SMCR8: variants seen among roughly 807,000 people sequenced by gnomAD.
SMCR8 encodes the protein SMCR8-C9orf72 complex subunit.
SMCR8 carries 30 observed loss-of-function variants against 56.6 expected under a neutral mutation model. That is an observed-to-expected ratio of 0.53 (90% CI 0.40 to 0.72). The LOEUF (loss-of-function observed/expected upper bound fraction) is 0.72, where lower values mean the gene tolerates loss of function less well. SMCR8 is among the 30% of genes least tolerant of loss of function. SMCR8 has a pLI of 0.00. For synonymous variants in SMCR8, 538 were observed against 456.0 expected, an observed-to-expected ratio of 1.18 and a Z score of -2.29; for missense variants, 1,198 against 1,157.0, an observed-to-expected ratio of 1.04 and a Z score of -0.51.
At chr17:18,319,474 C>T (rs1331213983) in intron 1 of SMCR8, among the ~76,000 whole-genome samples, 1 of 152,090 alleles carries the variant, frequency 6.6e-6, no homozygotes, top group African/African-American at 2.4e-5. Flanking sequence ...GGAGGTGTTG[C>T]GCTGCAGAGG....
rs368519164 is a variant in SMCR8, at chr17:18,317,388, T to A, written c.1599T>A (p.Phe533Leu). The stretch of plus-strand genomic sequence containing the variant: ...CTGAGGCCCTCATCCCTGATGACTT[T>A]AAGGCCAGCTACCCAAGTGCCATTA... ...CPSEALIPDD[F>L]KASYPSAINE... Residue 533 changes from phenylalanine (F) to leucine (L), a missense_variant, in exon 1 of 2, where the codon TTT (phenylalanine) becomes TTA (leucine). By Grantham distance (22) the Phe-to-Leu change is conservative (BLOSUM62 0). Transcript: ENST00000406438. 3 of 1,613,998 alleles carry A rather than the reference T, an allele frequency of 1.9e-6. No homozygotes were observed. Among genetic ancestry groups the A allele is most frequent in the Non-Finnish European group, 1.7e-6 (2 of 1,180,032 alleles).
chr17:18,322,589 C>T, intron 1 of SMCR8, 28 bp from the exon 2 acceptor site: 3 of 1,600,254 alleles, frequency 1.9e-6, no homozygotes, highest in Non-Finnish European at 2.6e-6. Context: ...CCTTGCCCTT[C>T]CTCCTGACCT....
At position 18,323,113 on chromosome 17, in the gene SMCR8, A is replaced by G. The variant is rs779689371; in HGVS notation, c.*43A>G. 1 of 1,552,664 alleles carries G rather than the reference A, an allele frequency of 6.4e-7. No homozygotes were observed. Among genetic ancestry groups the G allele is most frequent in the Non-Finnish European group, 8.8e-7 (1 of 1,136,108 alleles). ...GTGACCAAGACCTGTGACTCAGGGT[A>G]TGGGGAGGGGAGGGGTTGGCATGAC... On this transcript the variant is annotated 3_prime_UTR_variant, in exon 2 of 2. Transcript: ENST00000406438.
At position 18,317,790 on chromosome 17, in the gene SMCR8, C is replaced by T. The variant is rs1370529904; in HGVS notation, c.2001C>T (p.Ser667=). The change falls in exon 1 of 2, where the codon AGC becomes AGT. Residue 667 remains serine, a synonymous_variant. Coordinates refer to ENST00000406438, the MANE Select transcript of SMCR8 (RefSeq NM_144775.3). ...LLASRDISKT[S]LDNYSDTTSY... The stretch of plus-strand genomic sequence containing the variant: ...CTAGCCGGGACATCAGTAAGACCAG[C>T]CTGGACAACTACTCAGACACCACCA... 6.2e-7 allele frequency: 1 copy of T among 1,614,170 alleles called. No individual in the cohort carries two copies. Among genetic ancestry groups the T allele is most frequent in the South Asian group, 1.1e-5 (1 of 91,092 alleles).
Position 18,317,873 on chromosome 17 carries a change from C to A in SMCR8, c.2084C>A (p.Ala695Asp). 6.2e-7 allele frequency: 1 copy of A among 1,614,172 alleles called. No individual in the cohort carries two copies. The highest frequency in any genetic ancestry group is 8.5e-7 in the Non-Finnish European group (1 of 1,180,038). Residue 695 changes from alanine (A) to aspartate (D), a missense_variant, in exon 1 of 2, where the codon GCT becomes GAT. Transcript: ENST00000406438. ...SSDRIPSAYP[A>D]GLSSDRHKKR... is the part of the protein sequence containing the mutation. ...GACAGGATCCCCTCTGCTTATCCTG[C>A]TGGCCTGTCTTCCGATAGGCATAAA...
At position 18,317,270 on chromosome 17, in the gene SMCR8, C is replaced by T; in HGVS notation, c.1481C>T (p.Thr494Ile). Residue 494 changes from threonine (T) to isoleucine (I), a missense_variant, in exon 1 of 2, where the codon ACA becomes ATA. By Grantham distance (89) the Thr-to-Ile change is moderately conservative. Coordinates refer to ENST00000406438, the MANE Select transcript of SMCR8 (RefSeq NM_144775.3). The stretch of plus-strand genomic sequence containing the variant: ...AAATCTGACAGCCAGGCAAGCCTCA[C>T]AGTACCATTGAGCCCCCAGGTGGTC... ...LSKSDSQASL[T>I]VPLSPQVVRS... is the part of the protein sequence containing the mutation. 1 of 1,614,126 alleles carries T rather than the reference C, an allele frequency of 6.2e-7. No individual in the cohort carries two copies.
At position 18,323,107 on chromosome 17, in the gene SMCR8, C is replaced by A; in HGVS notation, c.*37C>A. ...GACACTGTGACCAAGACCTGTGACTCAGGGTATGGGGAGGGGAGGGGTTGG... is the reference window on the plus strand; with the variant it reads ...GACACTGTGACCAAGACCTGTGACTAAGGGTATGGGGAGGGGAGGGGTTGG... On this transcript the variant is annotated 3_prime_UTR_variant, in exon 2 of 2. Coordinates refer to ENST00000406438, the MANE Select transcript of SMCR8 (RefSeq NM_144775.3). The A allele has an allele frequency of 6.4e-7, 1 of 1,569,304 alleles. No homozygotes were observed. The highest frequency in any genetic ancestry group is 8.7e-7 in the Non-Finnish European group (1 of 1,148,584).
Position 18,316,725 on chromosome 17 carries a change from C to G in SMCR8, c.936C>G (p.Thr312=), listed in dbSNP as rs1982308466. 6.2e-7 allele frequency: 1 copy of G among 1,614,046 alleles called. No homozygotes were observed. The highest frequency in any genetic ancestry group is 8.5e-7 in the Non-Finnish European group (1 of 1,180,032). The change falls in exon 1 of 2, where the codon ACC becomes ACG. Residue 312 remains threonine, a synonymous_variant. Transcript: ENST00000406438. ...YTPKLIKAKS[T]KCFDKKLKTL... ...CAAAACTTATCAAAGCAAAGTCCAC[C>G]AAGTGTTTTGACAAGAAGTTGAAGA... is the stretch of plus-strand genomic sequence containing the variant.
At position 18,318,101 on chromosome 17, in the gene SMCR8, C is replaced by A; in HGVS notation, c.2312C>A (p.Pro771His). ...CCCGTGAAACATTGGGCCTCCTCCC[C>A]TTTGCACATTATGGATTTTCAGAAG... is the stretch of plus-strand genomic sequence containing the variant. The part of the protein sequence containing the change: ...AKPVKHWASS[P>H]LHIMDFQKWK... Residue 771 changes from proline (P) to histidine (H), a missense_variant, in exon 1 of 2, where the codon CCT becomes CAT. Coordinates refer to ENST00000406438, the MANE Select transcript of SMCR8 (RefSeq NM_144775.3). 1 of 1,613,986 alleles carries A rather than the reference C, an allele frequency of 6.2e-7. No individual in the cohort carries two copies. Among genetic ancestry groups the A allele is most frequent in the South Asian group, 1.1e-5 (1 of 91,080 alleles).
In SMCR8 at chr17:18,323,385, G is replaced by A. The variant is rs62072541; in HGVS notation, c.*315G>A. The A allele has an allele frequency of 0.23, 79,774 of 349,646 alleles. 9,743 individuals are homozygous for A. The highest frequency in any genetic ancestry group is 0.28 in the Middle Eastern group (329 of 1,196). The allele number at this position is 349,646 out of a possible 1,614,324, so 21.7% of individuals were successfully genotyped here. A position where few individuals can be genotyped will look rare whatever the true frequency, so the allele number is the denominator to read the frequency against. The stretch of plus-strand genomic sequence containing the variant: ...GAAGGGAAGCCACCAGTCCCTTGGT[G>A]GGGCAGGGTGAGGGCAGGAAGGCCA... On this transcript the variant is annotated 3_prime_UTR_variant, in exon 2 of 2. Transcript: ENST00000406438.
rs1982619247 is a variant in SMCR8 at position 18,325,326 on chromosome 17, A to G, written c.*2256A>G. 6.6e-6 allele frequency: 1 copy of G among 152,210 alleles called. No homozygotes were observed. The highest frequency in any genetic ancestry group is 2.4e-5 in the African/African-American group (1 of 41,450). The allele number at this position is 152,210 out of a possible 1,614,324, so 9.4% of individuals were successfully genotyped here. A position where few individuals can be genotyped will look rare whatever the true frequency, so the allele number is the denominator to read the frequency against. On this transcript the variant is annotated 3_prime_UTR_variant, in exon 2 of 2. Transcript: ENST00000406438. ...TCCTAAGTAGAAGTCCACTTGAGGT[A>G]TTTGCTGGCACACACCCTCAAGGGT...
intron 1 of SMCR8, among the ~76,000 whole-genome samples, chr17:18,319,203 G>A (rs1041932247): frequency 1.2e-4 from 19 of 152,270 alleles, no homozygotes; most frequent in Admixed American, 1.0e-3. Context: ...GTCTGGATTC[G>A]GACCAACCAT....
intron 1 of SMCR8, among the ~76,000 whole-genome samples, chr17:18,318,800 G>A (rs1982411978): frequency 6.6e-6 from 1 of 152,216 alleles, no homozygotes; most frequent in African/African-American, 2.4e-5. Flanking sequence ...TGTCGCCATT[G>A]CCAGCCCGAC....
rs867144890 is a variant in SMCR8 at position 18,315,324 on chromosome 17, C to G, written c.-466C>G. On this transcript the variant is annotated 5_prime_UTR_variant, in exon 1 of 2. Coordinates refer to ENST00000406438, the MANE Select transcript of SMCR8 (RefSeq NM_144775.3). ...TGTCAAGATGGCGGCGCCGCGGTAG[C>G]AGGATCCGGGTTGTGGCGTCCTAGG... 12 of 157,818 alleles carry G rather than the reference C, an allele frequency of 7.6e-5. No individual in the cohort carries two copies. Among genetic ancestry groups the G allele is most frequent in the Non-Finnish European group, 1.5e-4 (11 of 71,326 alleles). 9.8% of individuals were successfully genotyped at this position (157,818 alleles called of 1,614,324 possible). A position where few individuals can be genotyped will look rare whatever the true frequency, so the allele number is the denominator to read the frequency against.
rs1453990871 is a variant in SMCR8, at chr17:18,326,940, C to G, written c.*3870C>G. On this transcript the variant is annotated 3_prime_UTR_variant, in exon 2 of 2. Transcript: ENST00000406438. ...GAACTGAGCCCCTATAGTGGGCAGT[C>G]TCCTTTACCTTCCCACCTCCCTGAA... 2.0e-5 allele frequency: 3 copies of G among 152,632 alleles called. No homozygotes were observed. The highest frequency in any genetic ancestry group is 7.2e-5 in the African/African-American group (3 of 41,452). 9.5% of individuals were successfully genotyped at this position (152,632 alleles called of 1,614,324 possible). A position where few individuals can be genotyped will look rare whatever the true frequency, so the allele number is the denominator to read the frequency against.
chr17:18,319,865 C>T (rs1436270570), intron 1 of SMCR8, among the ~76,000 whole-genome samples: 8 of 152,138 alleles, frequency 5.3e-5, no homozygotes, highest in East Asian at 3.8e-4. Flanking sequence ...GGATTATAGG[C>T]GTGCGCCATC....
rs775653664 is a variant in SMCR8, at chr17:18,316,664, A to T, written c.875A>T (p.Asp292Val). 1 of 1,614,168 alleles carries T rather than the reference A, an allele frequency of 6.2e-7. No individual in the cohort carries two copies. Among genetic ancestry groups the T allele is most frequent in the Non-Finnish European group, 8.5e-7 (1 of 1,180,030 alleles). Reference protein sequence around the residue: ...STTSNPDESADTDLYTCRPAY... With the variant: ...STTSNPDESAVTDLYTCRPAY... The stretch of plus-strand genomic sequence containing the variant: ...ACCTCTAACCCTGATGAGTCTGCCG[A>T]CACAGACCTTTACACCTGCAGACCA... The change falls in exon 1 of 2, where the codon GAC (aspartate) becomes GTC (valine). Residue 292 changes from aspartate (D) to valine (V), a missense_variant. Coordinates refer to ENST00000406438, the MANE Select transcript of SMCR8 (RefSeq NM_144775.3).
chr17:18,317,615 A>T lies in SMCR8; in HGVS notation c.1826A>T (p.Asp609Val), dbSNP rs1163449365. 1 of 1,614,058 alleles carries T rather than the reference A, an allele frequency of 6.2e-7. No individual in the cohort carries two copies. The highest frequency in any genetic ancestry group is 1.3e-5 in the African/African-American group (1 of 74,914). The change falls in exon 1 of 2, where the codon GAT (aspartate) becomes GTT (valine). Residue 609 changes from aspartate (D) to valine (V), a missense_variant. Transcript: ENST00000406438. ...CCAGCCCACACACACTCTGACGAGG[A>T]TGGGGTGGTGAGCAGCCCCCCACAG... ...STPAHTHSDEDGVVSSPPQRH... is the reference protein window; with the variant it reads ...STPAHTHSDEVGVVSSPPQRH...
chr17:18,318,009 G>A lies in SMCR8; in HGVS notation c.2220G>A (p.Glu740=), dbSNP rs746400987. ...GRTLVVLGED[E]AIVRKLVTAL... ...CACTTGTGGTCCTGGGGGAAGATGA[G>A]GCCATAGTCAGGAAACTCGTGACTG... Residue 740 remains glutamate, a synonymous_variant, in exon 1 of 2, where the codon GAG becomes GAA. Transcript: ENST00000406438. 24 of 1,614,254 alleles carry A rather than the reference G, an allele frequency of 1.5e-5. No homozygotes were observed. In the East Asian group the frequency reaches 3.1e-4, roughly 21 times the overall value.
Sources: gnomAD v4.1 joint callset for allele counts (sites outside exome capture counted in the v4.1 genomes callset) on GRCh38, gnomAD v4.1.1 for gene constraint, MANE v1.5 for transcripts, NCBI Gene and HGNC (gene_info 2026-07-23, HGNC 2026-07-21) for gene names.